TP63: variants seen among roughly 807,000 people sequenced by gnomAD.
The protein encoded by TP63 is tumor protein 63.
A neutral mutation model predicts 82.8 loss-of-function variants in TP63; 17 were observed. The ratio of observed to expected loss-of-function variants is 0.21; its 90% CI spans 0.14 to 0.31. TP63 has a LOEUF of 0.31. TP63 is among the 10% of genes least tolerant of loss of function. The pLI, the probability that TP63 is intolerant of heterozygous loss-of-function variation, is 1.00. For missense variants in TP63, 648 were observed against 895.3 expected (o/e 0.72, Z 3.52); for synonymous variants, 330 against 321.7 (o/e 1.03, Z -0.28).
At chr3:189,631,713 G>A (rs1330828427) in intron 1 of TP63, 136 bp downstream of exon 1, 2 of 1,566,860 alleles carry the variant, frequency 1.3e-6, no homozygotes, top group Admixed American at 3.4e-5. Context: ...ACTTTCTGTG[G>A]ACTTAAAGTG....
intron 4 of TP63, among the ~76,000 whole-genome samples, chr3:189,815,022 CCT>C (rs891598468): frequency 6.6e-6 from 1 of 151,942 alleles, no homozygotes; most frequent in Non-Finnish European, 1.5e-5. Context: ...CAGCAAAAAT[CCT>C]CTGCTTTTCC....
At chr3:189,790,052 TGAAAAA>T (rs1724981220) in intron 3 of TP63, among the ~76,000 whole-genome samples, 1 of 151,628 alleles carries the variant, frequency 6.6e-6, no homozygotes, top group Non-Finnish European at 1.5e-5. Flanking sequence ...TAGGAGAAGA[TGAAAAA>T]GAAAATCTGG....
At position 189,813,754 on chromosome 3, in the gene TP63, T is replaced by C. The variant is rs565756787; in HGVS notation, c.579+5228T>C. On this transcript the variant is annotated intron_variant, in intron 4 of 13. Coordinates refer to ENST00000264731, the MANE Select transcript of TP63 (RefSeq NM_003722.5). ...CTCCCTGATCTAGTGCCCAGCACAA[T>C]GTCCAGCACACAGTAAACCTTTAAT... 2.6e-5 allele frequency among the ~76,000 whole-genome samples: 4 copies of C among 152,320 alleles called. No individual in the cohort carries two copies. In the South Asian group the frequency reaches 6.2e-4, roughly 24 times the overall value.
chr3:189,603,795 T>C, the TP63 span, among the ~76,000 whole-genome samples: 65,903 of 151,594 alleles, frequency 0.43, 15,079 homozygotes, highest in East Asian at 0.67. Context: ...AGTATATACA[T>C]CCCTCAAGTC....
intron 3 of TP63, among the ~76,000 whole-genome samples, chr3:189,749,354 C>A (rs1721623051): frequency 1.3e-5 from 2 of 151,652 alleles, no homozygotes; most frequent in Non-Finnish European, 1.5e-5. Flanking sequence ...ATAAATAATC[C>A]CGTAAAAATG....
At chr3:189,653,029 A>C (rs1249877295) in intron 1 of TP63, among the ~76,000 whole-genome samples, 1 of 121,044 alleles carries the variant, frequency 8.3e-6, no homozygotes, top group Non-Finnish European at 1.7e-5. Context: ...GACTAATATA[A>C]TCAGCATGTT....
At position 189,772,114 on chromosome 3, in the gene TP63, G is replaced by T. The variant is rs192984499; in HGVS notation, c.324+33340G>T. 2.0e-5 allele frequency among the ~76,000 whole-genome samples: 3 copies of T among 152,274 alleles called. No homozygotes were observed. In the East Asian group the frequency reaches 5.8e-4, roughly 29 times the overall value. ...GTTCATATAGACATTCTGCTAATTT[G>T]CTTCTTGTCCCTTTCCCAAAGTTTT... On this transcript the variant is annotated intron_variant, in intron 3 of 13. Coordinates refer to ENST00000264731, the MANE Select transcript of TP63 (RefSeq NM_003722.5).
chr3:189,866,535 G>C (rs1230518884), intron 5 of TP63, 147 bp from the exon 6 acceptor site: 3 of 706,168 alleles, frequency 4.2e-6, no homozygotes, highest in Non-Finnish European at 7.4e-6. Flanking sequence ...TCTGGCTATG[G>C]GATCTGTTCG....
At chr3:189,803,291 T>C (rs1026351959) in intron 3 of TP63, among the ~76,000 whole-genome samples, 1 of 152,256 alleles carries the variant, frequency 6.6e-6, no homozygotes, top group Admixed American at 6.5e-5. Context: ...AGAGTGAAAC[T>C]CCATCTCAAA....
chr3:189,720,862 A>G (rs575806631), intron 1 of TP63, among the ~76,000 whole-genome samples: 1 of 152,164 alleles, frequency 6.6e-6, no homozygotes, highest in African/African-American at 2.4e-5. Flanking sequence ...TCTCACACTA[A>G]GAGACAGCAA....
At chr3:189,824,972 G>C (rs1729187297) in intron 4 of TP63, among the ~76,000 whole-genome samples, 1 of 152,102 alleles carries the variant, frequency 6.6e-6, no homozygotes, top group South Asian at 2.1e-4. Context: ...TAAGGATATA[G>C]AATAAGTGGA....
intron 4 of TP63, among the ~76,000 whole-genome samples, chr3:189,836,621 G>A (rs1482150199): frequency 6.6e-6 from 1 of 152,126 alleles, no homozygotes; most frequent in African/African-American, 2.4e-5. Context: ...TAATATCCCT[G>A]TTCCTTGGCA....
the TP63 span, among the ~76,000 whole-genome samples, chr3:189,607,810 T>C: frequency 6.6e-6 from 1 of 152,176 alleles, no homozygotes; most frequent in Non-Finnish European, 1.5e-5. Flanking sequence ...TTTATCACTT[T>C]AATGTATTTA....
In TP63 at chr3:189,737,814, C is replaced by A; in HGVS notation, c.137C>A (p.Thr46Lys). Residue 46 changes from threonine (T) to lysine (K), a missense_variant, in exon 2 of 14, where the codon ACA (threonine) becomes AAA (lysine). Around this residue, in one of 5 missense-constraint regions of TP63, gnomAD observed 182 missense variants for 213.6 expected, o/e 0.85. Transcript: ENST00000264731. The part of the protein sequence containing the change: ...YRSTMSQSTQ[T>K]NEFLSPEVFQ... ...TCCACCATGTCCCAGAGCACACAGA[C>A]AAATGAATTCCTCAGTCCAGAGGTT... The A allele has an allele frequency of 1.2e-6, 2 of 1,613,984 alleles. No individual in the cohort carries two copies. The highest frequency in any genetic ancestry group is 1.7e-6 in the Non-Finnish European group (2 of 1,179,886).
At chr3:189,761,128 TC>T (rs1308159516) in intron 3 of TP63, among the ~76,000 whole-genome samples, 14 of 152,148 alleles carry the variant, frequency 9.2e-5, no homozygotes, top group Non-Finnish European at 5.9e-5. Context: ...TCTCTGACAT[TC>T]CCTGGAAACA....
intron 4 of TP63, among the ~76,000 whole-genome samples, chr3:189,859,585 CT>C (rs1399492285): frequency 2.0e-5 from 3 of 152,000 alleles, no homozygotes; most frequent in Non-Finnish European, 4.4e-5. Flanking sequence ...ATATGAAGTC[CT>C]CATATATTGC....
At chr3:189,603,557 T>C in the TP63 span, among the ~76,000 whole-genome samples, 2 of 151,132 alleles carry the variant, frequency 1.3e-5, no homozygotes, top group African/African-American at 4.9e-5. Flanking sequence ...TAAGTTCTGC[T>C]TTTCCCTTGC....
chr3:189,610,519 C>T, the TP63 span, among the ~76,000 whole-genome samples: 10 of 152,294 alleles, frequency 6.6e-5, no homozygotes, highest in South Asian at 2.1e-3. Context: ...CCAACAAGTT[C>T]CTCATTTCCA....
intron 1 of TP63, among the ~76,000 whole-genome samples, chr3:189,714,793 C>G (rs149985482): frequency 9.3e-4 from 141 of 152,238 alleles, no homozygotes; most frequent in African/African-American, 3.3e-3. Flanking sequence ...TAAACACACA[C>G]AGACATACAT....
Sources: allele counts gnomAD v4.1 joint callset (sites outside exome capture counted in the v4.1 genomes callset), GRCh38; gene constraint gnomAD v4.1.1; regional missense constraint gnomAD v4.1.1; transcripts MANE v1.5; gene names NCBI Gene and HGNC (gene_info 2026-07-23, HGNC 2026-07-21).